LARP1B: variants seen among roughly 807,000 people sequenced by gnomAD.
The protein encoded by LARP1B is la-related protein 1B.
In LARP1B, 76 loss-of-function variants were observed where a neutral mutation model predicts 114.2. That is an observed-to-expected ratio of 0.67 (90% CI 0.55 to 0.81). The LOEUF is 0.81. Among genes scored for constraint, LARP1B ranks in the 30% least tolerant of loss-of-function variants. LARP1B has a pLI of 0.00. For synonymous variants in LARP1B, 345 were observed against 348.0 expected, an observed-to-expected ratio of 0.99 and a Z score of 0.10; for missense variants, 1,014 against 1,075.8, an observed-to-expected ratio of 0.94 and a Z score of 0.80.
intron 11 of LARP1B, among the ~76,000 whole-genome samples, chr4:128,154,425 C>T (rs550165977): frequency 1.3e-5 from 2 of 152,264 alleles, no homozygotes; most frequent in East Asian, 3.9e-4. Context: ...AGTGGTTCCT[C>T]ACCCCCTTCA....
intron 12 of LARP1B, among the ~76,000 whole-genome samples, chr4:128,172,937 A>ATGTGTG (rs57382183): frequency 0.22 from 30,009 of 136,840 alleles, 3,405 homozygotes; most frequent in East Asian, 0.4. Flanking sequence ...ATCCCATCCA[A>ATGTGTG]TGTGTGTGTG....
chr4:128,172,328 A>T (rs1242106789), intron 12 of LARP1B, among the ~76,000 whole-genome samples: 3 of 152,094 alleles, frequency 2.0e-5, no homozygotes, highest in Non-Finnish European at 4.4e-5. Context: ...TTTTTAAAAT[A>T]TGTGTGTTTA....
rs548085568 is a variant in LARP1B at position 128,184,414 on chromosome 4, A to C, written c.2003+4902A>C. On this transcript the variant is annotated intron_variant, in intron 15 of 19. Coordinates refer to ENST00000326639, the MANE Select transcript of LARP1B (RefSeq NM_018078.4). ...GGCTCATATGACCATTAGCATTTTT[A>C]GCAATACAGTTTTTAAAAAAATTGA... Among the ~76,000 whole-genome samples, 54 of 152,320 alleles carry C rather than the reference A, an allele frequency of 3.5e-4. 1 individual carries two copies. The South Asian group carries it at 0.011, about 30-fold the overall frequency.
chr4:128,097,107 A>AC (rs768422683), intron 7 of LARP1B, among the ~76,000 whole-genome samples: 6 of 150,836 alleles, frequency 4.0e-5, no homozygotes, highest in Non-Finnish European at 7.4e-5. Context: ...CATATTGGTT[A>AC]CGCTGGTCTT....
intron 5 of LARP1B, among the ~76,000 whole-genome samples, chr4:128,083,377 C>T (rs1412686176): frequency 2.6e-4 from 39 of 150,202 alleles, no homozygotes; most frequent in Non-Finnish European, 4.5e-4. Context: ...GGCTCCTCAC[C>T]TCCCAGTAGG....
At chr4:128,175,306 C>T (rs1745427314) in intron 12 of LARP1B, among the ~76,000 whole-genome samples, 1 of 152,098 alleles carries the variant, frequency 6.6e-6, no homozygotes, top group South Asian at 2.1e-4. Context: ...CATAGCATAT[C>T]TGTCACTCCC....
At chr4:128,061,195 C>G (rs982085246), upstream of LARP1B, 8 of 152,226 alleles carry the variant, frequency 5.3e-5, no homozygotes, top group African/African-American at 1.9e-4. Context: ...TCCGTCAGCT[C>G]CCGCGGGAGG....
At chr4:128,114,844 T>G in intron 10 of LARP1B, 102 bp downstream of exon 10, 3 of 1,008,072 alleles carry the variant, frequency 3.0e-6, no homozygotes, top group Non-Finnish European at 2.9e-6. Context: ...TTGGAAAAGT[T>G]TAGCACAATT....
intron 5 of LARP1B, among the ~76,000 whole-genome samples, chr4:128,084,635 G>GGGGAGA (rs753902483): frequency 9.9e-5 from 15 of 151,890 alleles, no homozygotes; most frequent in African/African-American, 1.7e-4. Flanking sequence ...GAGAGGGGAG[G>GGGGAGA]GGGAGAGGGA....
chr4:128,212,114 T>G (rs1759074251), downstream of LARP1B: 1 of 152,066 alleles, frequency 6.6e-6, no homozygotes, highest in Admixed American at 6.6e-5. Context: ...GGTTTCACCA[T>G]GTTGACCAGG....
intron 8 of LARP1B, 84 bp from the exon 9 acceptor site, chr4:128,107,055 G>C: frequency 1.8e-6 from 2 of 1,139,692 alleles, no homozygotes; most frequent in Non-Finnish European, 2.5e-6. Context: ...GCTAATTTCA[G>C]GTTTTCAAAT....
At chr4:128,156,812 A>G (rs1318094815) in intron 11 of LARP1B, among the ~76,000 whole-genome samples, 1 of 151,302 alleles carries the variant, frequency 6.6e-6, no homozygotes, top group Non-Finnish European at 1.5e-5. Context: ...TATTTTCCTA[A>G]AGAGAGTATT....
intron 11 of LARP1B, chr4:128,123,105 G>C: frequency 5.1e-6 from 5 of 985,362 alleles, no homozygotes; most frequent in Non-Finnish European, 6.0e-6. Context: ...GCCTGTCGGT[G>C]GGGCTTCATA....
intron 15 of LARP1B, among the ~76,000 whole-genome samples, chr4:128,193,474 T>C (rs1264031006): frequency 1.3e-5 from 2 of 152,184 alleles, no homozygotes; most frequent in Non-Finnish European, 2.9e-5. Context: ...TTTTGACTCA[T>C]CATAAATTTT....
At chr4:128,090,234 G>A (rs1205527359) in intron 5 of LARP1B, among the ~76,000 whole-genome samples, 1 of 151,978 alleles carries the variant, frequency 6.6e-6, no homozygotes, top group Non-Finnish European at 1.5e-5. Flanking sequence ...TATGGCACCC[G>A]GATAATTTTT....
At chr4:128,107,720 G>A in intron 9 of LARP1B, 1 of 1,459,856 alleles carries the variant, frequency 6.8e-7, no homozygotes. Flanking sequence ...CTTTAATCTT[G>A]TCTTGGAAAG....
intron 9 of LARP1B, 92 bp downstream of exon 9, chr4:128,107,405 T>G (rs1193977709): frequency 6.5e-7 from 1 of 1,533,218 alleles, no homozygotes; most frequent in African/African-American, 1.4e-5. Flanking sequence ...TTATTTAGAT[T>G]TGATAGGAAA....
intron 12 of LARP1B, among the ~76,000 whole-genome samples, chr4:128,169,387 G>A (rs1325044964): frequency 6.6e-6 from 1 of 151,522 alleles, no homozygotes; most frequent in Non-Finnish European, 1.5e-5. Flanking sequence ...AGTATTTTAG[G>A]TGTTATTGTA....
At chr4:128,193,286 C>A (rs1474635641) in intron 15 of LARP1B, among the ~76,000 whole-genome samples, 1 of 152,168 alleles carries the variant, frequency 6.6e-6, no homozygotes, top group African/African-American at 2.4e-5. Flanking sequence ...TCATATATAT[C>A]TATTAAAAAC....
Sources: allele counts gnomAD v4.1 joint callset (sites outside exome capture counted in the v4.1 genomes callset), GRCh38; gene constraint gnomAD v4.1.1; transcripts MANE v1.5; gene names NCBI Gene and HGNC (gene_info 2026-07-23, HGNC 2026-07-21).